SEC61A2: variants seen among roughly 807,000 people sequenced by gnomAD.
SEC61A2 encodes SEC61 translocon subunit alpha 2, also known as protein transport protein Sec61 subunit alpha isoform 2.
SEC61A2 carries 28 observed loss-of-function variants against 59.9 expected under a neutral mutation model. The observed-to-expected ratio is 0.47, with a 90% CI of 0.35 to 0.64. The LOEUF is 0.64. Among genes scored for constraint, SEC61A2 ranks in the 30% least tolerant of loss-of-function variants. The pLI is 0.01. For synonymous variants in SEC61A2, 202 were observed against 214.4 expected, an observed-to-expected ratio of 0.94 and a Z score of 0.50; for missense variants, 340 against 585.9, an observed-to-expected ratio of 0.58 and a Z score of 4.33.
intron 1 of SEC61A2, among the ~76,000 whole-genome samples, chr10:12,131,126 T>G (rs1399220682): frequency 6.6e-6 from 1 of 152,166 alleles, no homozygotes; most frequent in Non-Finnish European, 1.5e-5. Context: ...TGAATGGAGA[T>G]CATGCCACTG....
At chr10:12,146,735 G>C (rs891667505) in intron 4 of SEC61A2, among the ~76,000 whole-genome samples, 1 of 151,808 alleles carries the variant, frequency 6.6e-6, no homozygotes, top group Non-Finnish European at 1.5e-5. Flanking sequence ...AGCCAGGATG[G>C]TCTTGATCTC....
Position 12,162,965 on chromosome 10 carries a change from ATAT to A in SEC61A2, c.1244+678_1244+680del, listed in dbSNP as rs1304078259. Among the ~76,000 whole-genome samples, 1 of 152,222 alleles carries A rather than the reference ATAT, an allele frequency of 6.6e-6. No individual in the cohort carries two copies. The highest frequency in any genetic ancestry group is 1.9e-4 in the East Asian group (1 of 5,200). Reference sequence around the variant, plus strand: ...ATATCCTTAATTCTTTTCATGAATAATATTCAATTGTAGGGCTTTACCACACTT... The same window carrying A: ...ATATCCTTAATTCTTTTCATGAATAATCAATTGTAGGGCTTTACCACACTT... On this transcript the variant is annotated intron_variant, in intron 11 of 11. Coordinates refer to ENST00000298428, the MANE Select transcript of SEC61A2 (RefSeq NM_018144.4). The surrounding 1 kb of genome is among the most constrained non-coding windows in gnomAD (Gnocchi z 6.1).
intron 1 of SEC61A2, 41 bp from the exon 2 acceptor site, chr10:12,133,200 C>G (rs1177959413): frequency 9.9e-7 from 1 of 1,010,696 alleles, no homozygotes; most frequent in South Asian, 1.4e-5. Flanking sequence ...CTTTTTTTAA[C>G]TTCATAATAA....
chr10:12,134,180 T>A (rs1833828820), intron 2 of SEC61A2, among the ~76,000 whole-genome samples: 1 of 152,200 alleles, frequency 6.6e-6, no homozygotes, highest in Non-Finnish European at 1.5e-5. Context: ...CTAATTTTTT[T>A]GTATTTTTAG....
chr10:12,162,160 G>C lies in SEC61A2; in HGVS notation c.1168-53G>C. 4 of 1,402,344 alleles carry C rather than the reference G, an allele frequency of 2.9e-6. No individual in the cohort carries two copies. The highest frequency in any genetic ancestry group is 4.0e-6 in the Non-Finnish European group (4 of 987,928). 86.9% of individuals were successfully genotyped at this position (1,402,344 alleles called of 1,614,324 possible). A position where few individuals can be genotyped will look rare whatever the true frequency, so the allele number is the denominator to read the frequency against. ...GCACTTCGCATAGAACGTGGTAGAT[G>C]TAAGCAGTGAAATGTTCCAGTTGGA... On this transcript the variant is annotated intron_variant, in intron 10 of 11. Coordinates refer to ENST00000298428, the MANE Select transcript of SEC61A2 (RefSeq NM_018144.4). The surrounding 1 kb of genome is among the most constrained non-coding windows in gnomAD (Gnocchi z 6.1).
At position 12,162,088 on chromosome 10, in the gene SEC61A2, C is replaced by T; in HGVS notation, c.1168-125C>T. The stretch of plus-strand genomic sequence containing the variant: ...CTCAGGCTTAATGCGAATGATATGA[C>T]AATGCAACTTTCAGGTTATTGTATG... On this transcript the variant is annotated intron_variant, in intron 10 of 11. Coordinates refer to ENST00000298428, the MANE Select transcript of SEC61A2 (RefSeq NM_018144.4). The surrounding 1 kb of genome is among the most constrained non-coding windows in gnomAD (Gnocchi z 6.1). 4.0e-6 allele frequency: 3 copies of T among 754,170 alleles called. No individual in the cohort carries two copies. Among genetic ancestry groups the T allele is most frequent in the Non-Finnish European group, 2.4e-6 (1 of 425,284 alleles). 46.7% of individuals were successfully genotyped at this position (754,170 alleles called of 1,614,324 possible).
chr10:12,150,932 G>A lies in SEC61A2; in HGVS notation c.462+971G>A, dbSNP rs563419370. Among the ~76,000 whole-genome samples the A allele has an allele frequency of 9.2e-5, 14 of 152,134 alleles. No homozygotes were observed. The East Asian group carries it at 1.4e-3, about 15-fold the overall frequency. ...TGGGCTTACAGGTGCCTGCCACCAC[G>A]CCCAGCTAATTTTTTGTATTTTTAA... On this transcript the variant is annotated intron_variant, in intron 6 of 11. Coordinates refer to ENST00000298428, the MANE Select transcript of SEC61A2 (RefSeq NM_018144.4).
chr10:12,137,875 G>T (rs1024831553), intron 3 of SEC61A2, among the ~76,000 whole-genome samples: 1 of 151,972 alleles, frequency 6.6e-6, no homozygotes, highest in Non-Finnish European at 1.5e-5. Context: ...GCATGGTGGC[G>T]TGCACATGTA....
intron 6 of SEC61A2, among the ~76,000 whole-genome samples, chr10:12,151,628 G>A (rs1834278378): frequency 6.6e-6 from 1 of 151,730 alleles, no homozygotes. Context: ...TTTTCTGTCT[G>A]TTCAAAAGAT....
Position 12,160,939 on chromosome 10 carries a change from G to A in SEC61A2, c.985G>A (p.Gly329Arg), listed in dbSNP as rs538832459. The change falls in exon 10 of 12, where the codon GGG becomes AGG. Residue 329 changes from glycine to arginine, a missense_variant. Transcript: ENST00000298428. The surrounding 1 kb of genome is among the most constrained non-coding windows in gnomAD (Gnocchi z 4.1). Reference sequence around the variant, plus strand: ...TACTCCTGTTCTGTAGGATGTCAGTGGGGGAGGACCCGCACGTTCTTACCC... The same window carrying A: ...TACTCCTGTTCTGTAGGATGTCAGTAGGGGAGGACCCGCACGTTCTTACCC... ...NLLGQWADVS[G>R]GGPARSYPVG... The A allele has an allele frequency of 2.5e-6, 4 of 1,612,292 alleles. No individual in the cohort carries two copies. Among genetic ancestry groups the A allele is most frequent in the South Asian group, 1.1e-5 (1 of 90,754 alleles).
intron 3 of SEC61A2, among the ~76,000 whole-genome samples, chr10:12,140,264 A>G (rs1833988307): frequency 1.3e-5 from 2 of 152,174 alleles, no homozygotes; most frequent in South Asian, 4.1e-4. Context: ...ACTTCAGGGT[A>G]CAGAAACAAC....
Position 12,162,137 on chromosome 10 carries a change from A to ACGC in SEC61A2, c.1168-75_1168-74insGCC. On this transcript the variant is annotated intron_variant, in intron 10 of 11. Coordinates refer to ENST00000298428, the MANE Select transcript of SEC61A2 (RefSeq NM_018144.4). The surrounding 1 kb of genome is among the most constrained non-coding windows in gnomAD (Gnocchi z 6.1). ...TGTTACGTGTTAGTGTGTGGCGAGC[A>ACGC]CTTCGCATAGAACGTGGTAGATGTA... 1 of 1,113,130 alleles carries ACGC rather than the reference A, an allele frequency of 9.0e-7. No homozygotes were observed. Among genetic ancestry groups the ACGC allele is most frequent in the Non-Finnish European group, 1.4e-6 (1 of 729,462 alleles). The allele number at this position is 1,113,130 out of a possible 1,614,324, so 69.0% of individuals were successfully genotyped here.
rs1359233217 is a variant in SEC61A2, at chr10:12,145,492, C to T, written c.220+2297C>T. ...CAGTGGATATTATTAGTATTTTAGT[C>T]TTTGTTAGTCAGAGAGGTAAAAGCT... On this transcript the variant is annotated intron_variant, in intron 4 of 11. Coordinates refer to ENST00000298428, the MANE Select transcript of SEC61A2 (RefSeq NM_018144.4). This position sits in a 1 kb window ranked among gnomAD's most constrained non-coding sequence, Gnocchi z 4.4. Among the ~76,000 whole-genome samples the T allele has an allele frequency of 6.6e-6, 1 of 152,158 alleles. No individual in the cohort carries two copies. Among genetic ancestry groups the T allele is most frequent in the African/African-American group, 2.4e-5 (1 of 41,432 alleles).
chr10:12,142,801 C>T lies in SEC61A2; in HGVS notation c.142-316C>T, dbSNP rs149994233. Among the ~76,000 whole-genome samples the T allele has an allele frequency of 6.6e-6, 1 of 151,786 alleles. No homozygotes were observed. The highest frequency in any genetic ancestry group is 2.4e-5 in the African/African-American group (1 of 41,278). On this transcript the variant is annotated intron_variant, in intron 3 of 11. Coordinates refer to ENST00000298428, the MANE Select transcript of SEC61A2 (RefSeq NM_018144.4). The surrounding 1 kb of genome is among the most constrained non-coding windows in gnomAD (Gnocchi z 5.4). ...TTCTTTTAATTATTTTTTTTATTAA[C>T]CCTTATCTATGTGATGGAATGTTTT...
Position 12,138,952 on chromosome 10 carries a change from TTTTG to T in SEC61A2, c.141+2807_141+2810del, listed in dbSNP as rs34420476. The stretch of plus-strand genomic sequence containing the variant: ...AGCTCTTTTCCAAGTGGTTGCCCCA[TTTTG>T]TTTGTTTGTTTGTTTGTTTGTTTGA... On this transcript the variant is annotated intron_variant, in intron 3 of 11. Transcript: ENST00000298428. 9.8e-4 allele frequency among the ~76,000 whole-genome samples: 149 copies of T among 151,416 alleles called. 1 individual carries two copies. Among genetic ancestry groups the T allele is most frequent in the African/African-American group, 3.2e-3 (133 of 41,336 alleles).
At chr10:12,137,883 G>T (rs1166416359) in intron 3 of SEC61A2, among the ~76,000 whole-genome samples, 1 of 152,070 alleles carries the variant, frequency 6.6e-6, no homozygotes, top group South Asian at 2.1e-4. Context: ...GCGTGCACAT[G>T]TAATCCCAGC....
chr10:12,154,622 T>C lies in SEC61A2; in HGVS notation c.463-1156T>C, dbSNP rs1834355917. Among the ~76,000 whole-genome samples, 2 of 152,190 alleles carry C rather than the reference T, an allele frequency of 1.3e-5. No homozygotes were observed. The highest frequency in any genetic ancestry group is 6.5e-5 in the Admixed American group (1 of 15,284). On this transcript the variant is annotated intron_variant, in intron 6 of 11. Transcript: ENST00000298428. The surrounding 1 kb of genome is among the most constrained non-coding windows in gnomAD (Gnocchi z 5.2). Reference sequence around the variant, plus strand: ...AGTAAAGGATTAGCATGATCTCTCTTAGAAGTTTGGAGAATCGTACCCTTT... The same window carrying C: ...AGTAAAGGATTAGCATGATCTCTCTCAGAAGTTTGGAGAATCGTACCCTTT...
At chr10:12,147,886 G>C (rs1394391311) in intron 4 of SEC61A2, among the ~76,000 whole-genome samples, 1 of 151,536 alleles carries the variant, frequency 6.6e-6, no homozygotes, top group Non-Finnish European at 1.5e-5. Context: ...CTGGACTAGA[G>C]CTATTTGCAA....
At chr10:12,130,142 C>G (rs1055178560) in intron 1 of SEC61A2, among the ~76,000 whole-genome samples, 1 of 152,140 alleles carries the variant, frequency 6.6e-6, no homozygotes, top group Non-Finnish European at 1.5e-5. Flanking sequence ...TTTTTATTCC[C>G]TCGTCATCTT....
Sources: gnomAD v4.1 joint callset for allele counts (sites outside exome capture counted in the v4.1 genomes callset) on GRCh38, gnomAD v4.1.1 for gene constraint, Gnocchi (gnomAD v3.1) non-coding constraint, MANE v1.5 for transcripts, NCBI Gene and HGNC (gene_info 2026-07-23, HGNC 2026-07-21) for gene names.